The following GRAMD1C variants were observed in gnomAD, a reference collection of about 807,000 sequenced individuals.
GRAMD1C encodes GRAM domain containing 1C, also known as protein Aster-C.
Under a neutral mutation model 97.8 loss-of-function variants are expected in GRAMD1C, and 89 were observed. That is an observed-to-expected ratio of 0.91 (90% CI 0.77 to 1.09). The LOEUF is 1.09. Among genes scored for constraint, GRAMD1C ranks in the 50% least tolerant of loss-of-function variants. The pLI is 0.00. For missense variants in GRAMD1C, 740 were observed against 766.4 expected (o/e 0.97, Z 0.41); for synonymous variants, 256 against 267.0 (o/e 0.96, Z 0.40).
chr3:113,837,786 T>G (rs1709662625), upstream of GRAMD1C, among the ~76,000 whole-genome samples: 1 of 152,174 alleles, frequency 6.6e-6, no homozygotes. Flanking sequence ...CACACGCCAG[T>G]AGTCCCAGCT....
rs557368581 is a variant in GRAMD1C at position 113,847,474 on chromosome 3, G to A, written c.174+2825G>A. 5.3e-5 allele frequency among the ~76,000 whole-genome samples: 8 copies of A among 152,296 alleles called. No homozygotes were observed. The South Asian group carries it at 1.7e-3, about 32-fold the overall frequency. On this transcript the variant is annotated intron_variant, in intron 2 of 17. Coordinates refer to ENST00000358160, the MANE Select transcript of GRAMD1C (RefSeq NM_017577.5). ...AATGTGGAGGCCAAAGGTCTGTGCAGCTAAATTGGCTCTAAATAGTACTGT... is the reference window on the plus strand; with the variant it reads ...AATGTGGAGGCCAAAGGTCTGTGCAACTAAATTGGCTCTAAATAGTACTGT...
chr3:113,872,391 C>CTTTTT (rs777339692), intron 3 of GRAMD1C, among the ~76,000 whole-genome samples: 6 of 117,434 alleles, frequency 5.1e-5, no homozygotes, highest in African/African-American at 7.1e-5. Context: ...TCTTTTTTTT[C>CTTTTT]TTTTTTTTTT....
intron 3 of GRAMD1C, among the ~76,000 whole-genome samples, chr3:113,872,556 G>A (rs1024177290): frequency 2.0e-5 from 3 of 150,624 alleles, no homozygotes; most frequent in South Asian, 4.2e-4. Flanking sequence ...CACCACGTCC[G>A]GTTAATTTTT....
intron 6 of GRAMD1C, among the ~76,000 whole-genome samples, chr3:113,887,428 C>T (rs1190887811): frequency 1.3e-5 from 2 of 150,766 alleles, no homozygotes; most frequent in Non-Finnish European, 3.0e-5. Context: ...AGGCCGGGCA[C>T]TGTGGCTTAC....
At chr3:113,844,783 C>T in intron 2 of GRAMD1C, 134 bp downstream of exon 2, 1 of 605,766 alleles carries the variant, frequency 1.7e-6, no homozygotes. Flanking sequence ...AGTCCAGAGT[C>T]CCAAAGACAT....
intron 11 of GRAMD1C, among the ~76,000 whole-genome samples, chr3:113,932,685 G>A (rs1394055721): frequency 6.6e-6 from 1 of 152,020 alleles, no homozygotes; most frequent in Non-Finnish European, 1.5e-5. Context: ...ATGACACAGG[G>A]GCAGCAAATG....
At chr3:113,901,497 C>T (rs2632245) in intron 7 of GRAMD1C, among the ~76,000 whole-genome samples, 143,993 of 152,242 alleles carry the variant, frequency 0.95, 68,216 homozygotes, top group East Asian at 1. Flanking sequence ...GATACAATAA[C>T]ATGATTTTTC....
At chr3:113,911,711 C>CCTTCTTTCT (rs773755897) in intron 9 of GRAMD1C, among the ~76,000 whole-genome samples, 14 of 136,580 alleles carry the variant, frequency 1.0e-4, no homozygotes, top group Non-Finnish European at 1.4e-4. Flanking sequence ...TTCCTTCCTT[C>CCTTCTTTCT]CTTCCTTCCT....
intron 9 of GRAMD1C, among the ~76,000 whole-genome samples, chr3:113,913,429 CAAAAAAAAA>C (rs765510213): frequency 5.9e-5 from 4 of 68,284 alleles, no homozygotes; most frequent in Non-Finnish European, 1.1e-4. Context: ...ACTCTGTCTC[CAAAAAAAAA>C]AAAAAAAAAA....
At chr3:113,871,770 C>T (rs1328195243) in intron 3 of GRAMD1C, among the ~76,000 whole-genome samples, 1 of 119,914 alleles carries the variant, frequency 8.3e-6, no homozygotes, top group African/African-American at 3.1e-5. Context: ...AAAAAAACAA[C>T]CAACAATAAC....
chr3:113,920,266 T>C, intron 10 of GRAMD1C: 1 of 683,454 alleles, frequency 1.5e-6, no homozygotes, highest in African/African-American at 1.8e-5. Flanking sequence ...GTTCAGCAGG[T>C]TGAAGATGGT....
chr3:113,854,705 G>A (rs1216376276), intron 2 of GRAMD1C, among the ~76,000 whole-genome samples: 1 of 152,050 alleles, frequency 6.6e-6, no homozygotes, highest in Non-Finnish European at 1.5e-5. Flanking sequence ...CATTAAAAAC[G>A]TATATACTTC....
chr3:113,851,395 G>A (rs1040043599), intron 2 of GRAMD1C, among the ~76,000 whole-genome samples: 3 of 152,022 alleles, frequency 2.0e-5, no homozygotes, highest in Non-Finnish European at 4.4e-5. Flanking sequence ...GTTTTAAAAC[G>A]TTTTAAGAAT....
At position 113,844,590 on chromosome 3, in the gene GRAMD1C, G is replaced by T; in HGVS notation, c.115G>T (p.Val39Leu). ...NPSPTVEENN[V>L]VVKKQGPNLH... is the part of the protein sequence containing the mutation. ...TAGTCCAACTGTGGAAGAGAATAAT[G>T]TGGTAGTTAAAAAACAGGGGCCAAA... The change falls in exon 2 of 18, where the codon GTG becomes TTG. Residue 39 changes from valine to leucine, a missense_variant. Val to Leu is a conservative substitution (Grantham distance 32, BLOSUM62 1). Transcript: ENST00000358160. The T allele has an allele frequency of 1.2e-6, 2 of 1,604,772 alleles. No individual in the cohort carries two copies. Among genetic ancestry groups the T allele is most frequent in the Non-Finnish European group, 1.7e-6 (2 of 1,173,686 alleles).
upstream of GRAMD1C, among the ~76,000 whole-genome samples, chr3:113,834,765 C>G (rs113829684): frequency 0.018 from 2,581 of 145,106 alleles, 72 homozygotes; most frequent in African/African-American, 0.06. Context: ...GAAACTCTGT[C>G]TCTACTAAAA....
chr3:113,938,161 A>T lies in GRAMD1C; in HGVS notation c.1691+18A>T. The T allele has an allele frequency of 1.6e-6, 2 of 1,276,806 alleles. No individual in the cohort carries two copies. The highest frequency in any genetic ancestry group is 1.9e-4 in the Middle Eastern group (1 of 5,352). The allele number at this position is 1,276,806 out of a possible 1,614,324, so 79.1% of individuals were successfully genotyped here. On this transcript the variant is annotated intron_variant, in intron 15 of 17. Coordinates refer to ENST00000358160, the MANE Select transcript of GRAMD1C (RefSeq NM_017577.5). ...AGTATTTTGTAAGTATTTGTTGTGA[A>T]TGCTTATTTTGCTTGTTTCAGCATT...
At chr3:113,933,009 C>T (rs1013730244) in intron 11 of GRAMD1C, among the ~76,000 whole-genome samples, 18 of 151,940 alleles carry the variant, frequency 1.2e-4, no homozygotes, top group African/African-American at 2.9e-4. Context: ...AGCCTCCCAC[C>T]GAGTAGCTGG....
At chr3:113,905,098 T>C (rs1936322121) in intron 8 of GRAMD1C, among the ~76,000 whole-genome samples, 1 of 152,204 alleles carries the variant, frequency 6.6e-6, no homozygotes, top group Non-Finnish European at 1.5e-5. Flanking sequence ...CCTCTCAAAG[T>C]GCTGGGATCA....
intron 6 of GRAMD1C, chr3:113,897,744 T>C: frequency 1.0e-6 from 1 of 984,968 alleles, no homozygotes. Flanking sequence ...ATCTGATTAC[T>C]GCTTGGTTCA....
Sources: allele counts gnomAD v4.1 joint callset (sites outside exome capture counted in the v4.1 genomes callset), GRCh38; gene constraint gnomAD v4.1.1; transcripts MANE v1.5; gene names NCBI Gene and HGNC (gene_info 2026-07-23, HGNC 2026-07-21).